Variants in LILRA5 observed in about 807,000 individuals in gnomAD.
The protein encoded by LILRA5 is leukocyte immunoglobulin like receptor A5.
Under a neutral mutation model 36.3 loss-of-function variants are expected in LILRA5, and 31 were observed. The observed-to-expected ratio is 0.85, with a 90% CI of 0.64 to 1.15. The LOEUF (loss-of-function observed/expected upper bound fraction) is 1.15. LILRA5 is among the 50% of genes most tolerant of loss of function. LILRA5 has a pLI of 0.00. For synonymous variants in LILRA5, 144 were observed against 144.8 expected (o/e 0.99, Z 0.04); for missense variants, 348 against 377.4 (o/e 0.92, Z 0.64).
At chr19:54,307,863 T>C (rs2080912858) in intron 5 of LILRA5, 115 bp from the exon 6 acceptor site, 2 of 836,074 alleles carry the variant, frequency 2.4e-6, no homozygotes, top group Non-Finnish European at 4.0e-6. Context: ...ATGACTTTTA[T>C]GGAGTTCCTC....
At chr19:54,309,183 G>A (rs1391618889) in intron 5 of LILRA5, 1 of 152,090 alleles carries the variant, frequency 6.6e-6, no homozygotes, top group African/African-American at 2.4e-5. Context: ...AAATGAATCA[G>A]GCTGGGCATG....
At chr19:54,308,507 T>C (rs1429153635) in intron 5 of LILRA5, 1 of 149,410 alleles carries the variant, frequency 6.7e-6, no homozygotes, top group East Asian at 2.0e-4. Flanking sequence ...GGCGGGCAGA[T>C]CACGAGGTTA....
chr19:54,311,262 T>G, intron 5 of LILRA5, 152 bp downstream of exon 5: 1 of 1,556,490 alleles, frequency 6.4e-7, no homozygotes. Context: ...AGCCCTTGCT[T>G]TGTTTTCCTC....
chr19:54,312,746 T>TC (rs1000476591), intron 1 of LILRA5, 125 bp from the exon 2 acceptor site: 1 of 994,246 alleles, frequency 1.0e-6, no homozygotes, highest in Non-Finnish European at 1.5e-6. Context: ...GGCTCTCATT[T>TC]CCCCAGGGCT....
rs1358254303 is a variant in LILRA5, at chr19:54,307,404, C to G, written c.*9G>C. The G allele has an allele frequency of 3.1e-6, 5 of 1,601,672 alleles. No homozygotes were observed. The East Asian group carries it at 6.7e-5, about 21-fold the overall frequency. ...CCAGCATTCAATGGTGCATTGTTCT[C>G]TCTTCTGTTCACCTTCCAGCTGCAG... On this transcript the variant is annotated 3_prime_UTR_variant, in exon 7 of 7. Coordinates refer to ENST00000432233, the MANE Select transcript of LILRA5 (RefSeq NM_021250.4).
Position 54,307,650 on chromosome 19 carries a change from C to A in LILRA5, c.763+48G>T. On this transcript the variant is annotated intron_variant, in intron 6 of 6. Transcript: ENST00000432233. ...GGGCACCCATATCATCTTGACAGGA[C>A]CTGACCCTCTGTGCCAGTTCCATAA... is the stretch of plus-strand genomic sequence containing the variant. The A allele has an allele frequency of 2.5e-6, 4 of 1,612,396 alleles. No homozygotes were observed. In the African/African-American group the frequency reaches 4.0e-5, roughly 16 times the overall value.
chr19:54,307,393 T>C lies in LILRA5; in HGVS notation c.*20A>G, dbSNP rs1372842452. On this transcript the variant is annotated 3_prime_UTR_variant, in exon 7 of 7. Coordinates refer to ENST00000432233, the MANE Select transcript of LILRA5 (RefSeq NM_021250.4). ...CTTCCAAGGCTCCAGCATTCAATGG[T>C]GCATTGTTCTCTCTTCTGTTCACCT... The C allele has an allele frequency of 6.3e-7, 1 of 1,590,986 alleles. No individual in the cohort carries two copies. Among genetic ancestry groups the C allele is most frequent in the Non-Finnish European group, 8.6e-7 (1 of 1,168,858 alleles).
At chr19:54,312,744 T>C in intron 1 of LILRA5, 123 bp from the exon 2 acceptor site, 1 of 1,014,022 alleles carries the variant, frequency 9.9e-7, no homozygotes, top group South Asian at 1.5e-5. Context: ...CTGGCTCTCA[T>C]TTCCCCAGGG....
In LILRA5 at chr19:54,313,016, C is replaced by A; in HGVS notation, c.3+1G>T. 6.2e-7 allele frequency: 1 copy of A among 1,614,060 alleles called. No individual in the cohort carries two copies. The highest frequency in any genetic ancestry group is 1.3e-5 in the African/African-American group (1 of 75,034). ...TGAGCTCAGCGTTGCGGGGTCCTTA[C>A]CATGGTCAGTGATTTTTCAGCCCTG... On this transcript the variant is annotated splice_donor_variant, in intron 1 of 6. Transcript: ENST00000432233. LOFTEE classifies it high-confidence loss of function.
At chr19:54,310,964 T>C (rs1400236515) in intron 5 of LILRA5, 25 of 226,630 alleles carry the variant, frequency 1.1e-4, no homozygotes, top group South Asian at 5.5e-5. Flanking sequence ...TTTTCTTTTT[T>C]TTTTTTTTTG....
In LILRA5 at chr19:54,307,392, G is replaced by A. The variant is rs1216441441; in HGVS notation, c.*21C>T. On this transcript the variant is annotated 3_prime_UTR_variant, in exon 7 of 7. Coordinates refer to ENST00000432233, the MANE Select transcript of LILRA5 (RefSeq NM_021250.4). ...GCTTCCAAGGCTCCAGCATTCAATG[G>A]TGCATTGTTCTCTCTTCTGTTCACC... The A allele has an allele frequency of 1.3e-6, 2 of 1,590,872 alleles. No individual in the cohort carries two copies. Among genetic ancestry groups the A allele is most frequent in the East Asian group, 2.2e-5 (1 of 44,806 alleles).
chr19:54,310,794 A>G, intron 5 of LILRA5: 1 of 263,970 alleles, frequency 3.8e-6, no homozygotes, highest in Non-Finnish European at 7.9e-6. Flanking sequence ...CATCAGAGTG[A>G]TACTGGAGGG....
chr19:54,308,313 A>ATG lies in LILRA5; in HGVS notation c.713-567_713-566dup, dbSNP rs1208329632. 8.0e-3 allele frequency: 419 copies of ATG among 52,666 alleles called. 26 individuals carry two copies. The highest frequency in any genetic ancestry group is 0.01 in the Non-Finnish European group (292 of 27,912). 3.3% of individuals were successfully genotyped at this position (52,666 alleles called of 1,614,324 possible). A position where few individuals can be genotyped will look rare whatever the true frequency, so the allele number is the denominator to read the frequency against. ...CATATATATATACGTATGTATATAA[A>ATG]TGTGTGTGTGTGTGTGTGTGTGTAT... On this transcript the variant is annotated intron_variant, in intron 5 of 6. Transcript: ENST00000432233.
At position 54,311,864 on chromosome 19, in the gene LILRA5, C is replaced by G; in HGVS notation, c.409G>C (p.Gly137Arg). Residue 137 changes from glycine (G) to arginine (R), a missense_variant and splice_region_variant, in exon 4 of 7, where the codon GGA (glycine) becomes CGA (arginine). Coordinates refer to ENST00000432233, the MANE Select transcript of LILRA5 (RefSeq NM_021250.4). ...PSDPLELVVT[G>R]FYNKPTLSAL... ...CTGGGACCCCAGAGTGTCCTCTCAC[C>G]TGTCACCACCAGCTCCAGGGGGTCG... is the stretch of plus-strand genomic sequence containing the variant. 1 of 1,614,202 alleles carries G rather than the reference C, an allele frequency of 6.2e-7. No individual in the cohort carries two copies. Among genetic ancestry groups the G allele is most frequent in the Non-Finnish European group, 8.5e-7 (1 of 1,180,028 alleles).
At chr19:54,310,745 G>C (rs942974205) in intron 5 of LILRA5, 4 of 317,276 alleles carry the variant, frequency 1.3e-5, no homozygotes, top group Non-Finnish European at 2.6e-5. Flanking sequence ...AGGAGGTCAC[G>C]TCTGTCCTCC....
intron 5 of LILRA5, chr19:54,308,915 T>C (rs1176617022): frequency 2.0e-5 from 3 of 152,176 alleles, no homozygotes; most frequent in African/African-American, 7.2e-5. Flanking sequence ...AATATGTATA[T>C]ATGTAAAACT....
At chr19:54,307,627 G>A (rs1022965944) in intron 6 of LILRA5, 71 bp downstream of exon 6, 1 of 1,612,672 alleles carries the variant, frequency 6.2e-7, no homozygotes, top group South Asian at 1.1e-5. Flanking sequence ...TCTCCCCAGG[G>A]CACCCATATC....
rs771958549 is a variant in LILRA5 at position 54,313,005 on chromosome 19, C to T, written c.3+12G>A. The T allele has an allele frequency of 2.5e-5, 41 of 1,613,738 alleles. No homozygotes were observed. The Middle Eastern group carries it at 8.2e-4, about 32-fold the overall frequency. On this transcript the variant is annotated intron_variant, in intron 1 of 6. Coordinates refer to ENST00000432233, the MANE Select transcript of LILRA5 (RefSeq NM_021250.4). ...CAGCCCGTCCATGAGCTCAGCGTTG[C>T]GGGGTCCTTACCATGGTCAGTGATT...
At position 54,311,931 on chromosome 19, in the gene LILRA5, G is replaced by A. The variant is rs775558896; in HGVS notation, c.342C>T (p.Tyr114=). The A allele has an allele frequency of 2.5e-6, 4 of 1,614,070 alleles. No homozygotes were observed. In the African/African-American group the frequency reaches 5.3e-5, roughly 22 times the overall value. ...PSMTEHHAGR[Y]RCYYYSPAGW... ...CTGCAGGGCTGTAGTAGTAACAGCGGTATCTCCCTGCATGGTGCTCTGTCA... is the reference window on the plus strand; with the variant it reads ...CTGCAGGGCTGTAGTAGTAACAGCGATATCTCCCTGCATGGTGCTCTGTCA... Residue 114 remains tyrosine, a synonymous_variant, in exon 4 of 7, where the codon TAC becomes TAT. Transcript: ENST00000432233.
Sources: gnomAD v4.1 joint callset for allele counts on GRCh38, gnomAD v4.1.1 for gene constraint, MANE v1.5 for transcripts, NCBI Gene and HGNC (gene_info 2026-07-23, HGNC 2026-07-21) for gene names.